The following TRERF1 variants were observed in gnomAD, a reference collection of about 807,000 sequenced individuals.
TRERF1 encodes the protein transcriptional regulating factor 1, also known as transcriptional-regulating factor 1.
In TRERF1, 27 loss-of-function variants were observed where a neutral mutation model predicts 122.9. The observed-to-expected ratio is 0.22, with a 90% confidence interval of 0.16 to 0.30. The LOEUF is 0.30. Among genes scored for constraint, TRERF1 ranks in the 10% least tolerant of loss-of-function variants. The pLI, the probability that TRERF1 is intolerant of heterozygous loss-of-function variation, is 1.00. For missense variants in TRERF1, 1,248 were observed against 1,560.3 expected, an observed-to-expected ratio of 0.80 and a Z score of 3.37; for synonymous variants, 636 against 641.7, an observed-to-expected ratio of 0.99 and a Z score of 0.13.
intron 14 of TRERF1, 88 bp from the exon 15 acceptor site, chr6:42,243,449 G>A (rs956358246): frequency 1.1e-6 from 1 of 948,898 alleles, no homozygotes. Context: ...TTTTGTAATA[G>A]GGTAATAAAC....
In TRERF1 at chr6:42,282,504, C is replaced by T. The variant is rs138732039; in HGVS notation, c.-258-12656G>A. Reference sequence around the variant, plus strand: ...TTAAGGCTGCAGTGAGCCATGATGGCGCCATTGCATTCCAGCCTGGGTGAC... The same window carrying T: ...TTAAGGCTGCAGTGAGCCATGATGGTGCCATTGCATTCCAGCCTGGGTGAC... On this transcript the variant is annotated intron_variant, in intron 4 of 17. Coordinates refer to ENST00000372922, the Ensembl canonical transcript of TRERF1. Among the ~76,000 whole-genome samples the T allele has an allele frequency of 1.4e-4, 21 of 152,208 alleles. 1 individual carries two copies. In the East Asian group the frequency reaches 3.7e-3, roughly 27 times the overall value.
At chr6:42,346,488 G>A (rs1238658177) in intron 3 of TRERF1, among the ~76,000 whole-genome samples, 2 of 152,208 alleles carry the variant, frequency 1.3e-5, no homozygotes, top group Non-Finnish European at 2.9e-5. Flanking sequence ...CCAGCTCCAA[G>A]AACTCTGGTC....
chr6:42,427,845 C>G (rs983009994), intron 2 of TRERF1, among the ~76,000 whole-genome samples: 1 of 152,124 alleles, frequency 6.6e-6, no homozygotes, highest in Non-Finnish European at 1.5e-5. Flanking sequence ...CCACCACACC[C>G]AGCACATTCT....
chr6:42,373,662 G>A (rs1439660423), intron 2 of TRERF1, among the ~76,000 whole-genome samples: 4 of 151,638 alleles, frequency 2.6e-5, no homozygotes, highest in Non-Finnish European at 4.4e-5. Context: ...GTGAGACTCC[G>A]TCTAAAAAAA....
chr6:42,439,597 T>C (rs536570144), intron 2 of TRERF1, among the ~76,000 whole-genome samples: 58 of 152,004 alleles, frequency 3.8e-4, no homozygotes, highest in Admixed American at 1.4e-3. Context: ...AATAGATCAA[T>C]AGATAAACAA....
intron 2 of TRERF1, among the ~76,000 whole-genome samples, chr6:42,418,681 C>T (rs975847000): frequency 1.6e-4 from 24 of 152,170 alleles, no homozygotes; most frequent in African/African-American, 5.8e-4. Flanking sequence ...TGATTAAGGG[C>T]ACTAACCACA....
chr6:42,345,319 G>A (rs776226128), intron 3 of TRERF1, among the ~76,000 whole-genome samples: 2 of 152,118 alleles, frequency 1.3e-5, no homozygotes, highest in African/African-American at 2.4e-5. Context: ...TTGTGCATGT[G>A]CACACACACA....
At chr6:42,312,824 G>C (rs1761905457) in intron 3 of TRERF1, among the ~76,000 whole-genome samples, 1 of 152,200 alleles carries the variant, frequency 6.6e-6, no homozygotes, top group Non-Finnish European at 1.5e-5. Context: ...CCACTCTCCA[G>C]GAACACAAGG....
intron 3 of TRERF1, among the ~76,000 whole-genome samples, chr6:42,319,785 C>A (rs1763082103): frequency 6.9e-6 from 1 of 145,340 alleles, no homozygotes; most frequent in South Asian, 2.2e-4. Context: ...TGCACTCCAG[C>A]CTGGGTGACA....
intron 2 of TRERF1, among the ~76,000 whole-genome samples, chr6:42,415,336 G>A (rs1057017712): frequency 2.0e-5 from 3 of 151,914 alleles, no homozygotes; most frequent in Non-Finnish European, 4.4e-5. Flanking sequence ...AGATTATCAT[G>A]TATCTTTTGA....
At position 42,332,090 on chromosome 6, in the gene TRERF1, G is replaced by A. The variant is rs189633039; in HGVS notation, c.-371+30907C>T. On this transcript the variant is annotated intron_variant, in intron 3 of 17. Coordinates refer to ENST00000372922, the Ensembl canonical transcript of TRERF1. ...CCTGAGTAGCTGAGATTACAGGTAT[G>A]TGCCACCACACCTGGGTACTTTTTG... Among the ~76,000 whole-genome samples, 4 of 152,316 alleles carry A rather than the reference G, an allele frequency of 2.6e-5. No homozygotes were observed. In the East Asian group the frequency reaches 5.8e-4, roughly 22 times the overall value.
intron 2 of TRERF1, among the ~76,000 whole-genome samples, chr6:42,376,321 C>T (rs899670574): frequency 6.6e-6 from 1 of 152,148 alleles, no homozygotes; most frequent in African/African-American, 2.4e-5. Flanking sequence ...GCCACATATC[C>T]GCTTAGCATG....
chr6:42,440,454 C>A (rs538922345), intron 2 of TRERF1, among the ~76,000 whole-genome samples: 2 of 152,266 alleles, frequency 1.3e-5, no homozygotes, highest in Admixed American at 1.3e-4. Context: ...CTGCTTCCTA[C>A]AATTGTAGGA....
At chr6:42,288,101 C>T (rs1783589909) in intron 4 of TRERF1, among the ~76,000 whole-genome samples, 1 of 152,098 alleles carries the variant, frequency 6.6e-6, no homozygotes, top group South Asian at 2.1e-4. Context: ...CTTCCCTGAT[C>T]CTCAGCCACT....
chr6:42,397,925 C>T (rs563996686), intron 2 of TRERF1, among the ~76,000 whole-genome samples: 2 of 152,316 alleles, frequency 1.3e-5, no homozygotes, highest in Admixed American at 6.5e-5. Flanking sequence ...TTCCACTCAT[C>T]GCAGAAAGTC....
chr6:42,313,512 G>A (rs941474800), intron 3 of TRERF1, among the ~76,000 whole-genome samples: 7 of 152,068 alleles, frequency 4.6e-5, no homozygotes, highest in African/African-American at 1.2e-4. Context: ...TCTCCCAAGA[G>A]TCCCTCTCCA....
chr6:42,251,732 A>T (rs1775862820), intron 13 of TRERF1, among the ~76,000 whole-genome samples: 1 of 152,128 alleles, frequency 6.6e-6, no homozygotes, highest in African/African-American at 2.4e-5. Context: ...AAGGCAGAAG[A>T]GACAAGGCCT....
At chr6:42,359,335 C>T (rs913249852) in intron 3 of TRERF1, among the ~76,000 whole-genome samples, 6 of 152,194 alleles carry the variant, frequency 3.9e-5, no homozygotes, top group African/African-American at 1.4e-4. Flanking sequence ...TCCGAAAATC[C>T]ATCCATCCTC....
At chr6:42,387,248 A>G (rs1417238826) in intron 2 of TRERF1, among the ~76,000 whole-genome samples, 1 of 152,244 alleles carries the variant, frequency 6.6e-6, no homozygotes, top group African/African-American at 2.4e-5. Context: ...GCCTTTTCTC[A>G]GAAGTTTCAA....
Sources: gnomAD v4.1 joint callset for allele counts (sites outside exome capture counted in the v4.1 genomes callset) on GRCh38, gnomAD v4.1.1 for gene constraint, MANE v1.5 for transcripts, NCBI Gene and HGNC (gene_info 2026-07-23, HGNC 2026-07-21) for gene names.